Variants in PLD2 observed in about 807,000 individuals in gnomAD.
PLD2 encodes the protein choline phosphatase 2.
PLD2 carries 101 observed loss-of-function variants against 119.8 expected under a neutral mutation model. The ratio of observed to expected loss-of-function variants is 0.84; its 90% CI spans 0.72 to 0.99. The LOEUF (loss-of-function observed/expected upper bound fraction) is 0.99. Among genes scored for constraint, PLD2 ranks in the 50% least tolerant of loss-of-function variants. The pLI, the probability that PLD2 is intolerant of heterozygous loss-of-function variation, is 0.00. For missense variants in PLD2, 1,164 were observed against 1,226.8 expected, an observed-to-expected ratio of 0.95 and a Z score of 0.76; for synonymous variants, 494 against 482.8, an observed-to-expected ratio of 1.02 and a Z score of -0.30.
At chr17:4,821,682 A>G in intron 23 of PLD2, 111 bp from the exon 24 acceptor site, 2 of 730,306 alleles carry the variant, frequency 2.7e-6, no homozygotes, top group Non-Finnish European at 4.8e-6. Flanking sequence ...GGCGTGAGCC[A>G]CCGCACCCAG....
At chr17:4,814,133 CAT>C (rs1473664914) in intron 10 of PLD2, 6 of 313,758 alleles carry the variant, frequency 1.9e-5, no homozygotes, top group Non-Finnish European at 3.5e-5. Context: ...TCAGTTGGCT[CAT>C]GTGACTTTTT....
At position 4,808,483 on chromosome 17, in the gene PLD2, C is replaced by G; in HGVS notation, c.383+67C>G. 1 of 1,514,298 alleles carries G rather than the reference C, an allele frequency of 6.6e-7. No individual in the cohort carries two copies. The highest frequency in any genetic ancestry group is 9.1e-7 in the Non-Finnish European group (1 of 1,104,182). 93.8% of individuals were successfully genotyped at this position (1,514,298 alleles called of 1,614,324 possible). ...CCCACCCTCCTTTCTGTCTGTCTCACCCCGGGGCCACAACCTTTCCTCCCT... is the reference window on the plus strand; with the variant it reads ...CCCACCCTCCTTTCTGTCTGTCTCAGCCCGGGGCCACAACCTTTCCTCCCT... On this transcript the variant is annotated intron_variant, in intron 4 of 24. Coordinates refer to ENST00000263088, the MANE Select transcript of PLD2 (RefSeq NM_002663.5). The surrounding 1 kb of genome is among the most constrained non-coding windows in gnomAD (Gnocchi z 4.1).
chr17:4,808,348 T>C lies in PLD2; in HGVS notation c.315T>C (p.Arg105=). The C allele has an allele frequency of 1.2e-6, 2 of 1,614,002 alleles. No individual in the cohort carries two copies. Among genetic ancestry groups the C allele is most frequent in the Non-Finnish European group, 1.7e-6 (2 of 1,179,938 alleles). ...CCTGGACAACCAAGAAGAAATACCG[T>C]CATTTTCAGGAGCTGCATCGGGACC... ...DFSWTTKKKY[R]HFQELHRDLL... Residue 105 remains arginine (R), a synonymous_variant, in exon 4 of 25, where the codon CGT becomes CGC. Transcript: ENST00000263088. The surrounding 1 kb of genome is among the most constrained non-coding windows in gnomAD (Gnocchi z 4.1).
chr17:4,821,689 C>A (rs1417222980), intron 23 of PLD2, 104 bp from the exon 24 acceptor site: 1 of 800,822 alleles, frequency 1.2e-6, no homozygotes, highest in African/African-American at 1.7e-5. Flanking sequence ...GCCACCGCAC[C>A]CAGCCAATTT....
In PLD2 at chr17:4,819,525, A is replaced by G. The variant is rs752311082; in HGVS notation, c.2405A>G (p.Asn802Ser). Reference protein sequence around the residue: ...EDTETEPSLMNGAEYQAGRFA... With the variant: ...EDTETEPSLMSGAEYQAGRFA... ...ACAGAGACGGAACCATCCCTCATGA[A>G]TGGGGCAGAGTATCAGGCGGGCAGG... The change falls in exon 23 of 25, where the codon AAT becomes AGT. Residue 802 changes from asparagine to serine, a missense_variant. Transcript: ENST00000263088. This position sits in a 1 kb window ranked among gnomAD's most constrained non-coding sequence, Gnocchi z 4.2. The G allele has an allele frequency of 2.5e-6, 4 of 1,613,988 alleles. No individual in the cohort carries two copies. The East Asian group carries it at 6.7e-5, about 27-fold the overall frequency.
Position 4,808,158 on chromosome 17 carries a change from G to C in PLD2, c.240+44G>C. 1 of 1,595,134 alleles carries C rather than the reference G, an allele frequency of 6.3e-7. No homozygotes were observed. The highest frequency in any genetic ancestry group is 8.6e-7 in the Non-Finnish European group (1 of 1,166,598). ...GGGAGGGGGAAAGGGAGGGCGGCCC[G>C]GAATGGATCCAAGGTGGCTGGGCTG... On this transcript the variant is annotated intron_variant, in intron 3 of 24. Coordinates refer to ENST00000263088, the MANE Select transcript of PLD2 (RefSeq NM_002663.5). The surrounding 1 kb of genome is among the most constrained non-coding windows in gnomAD (Gnocchi z 4.1).
rs767210557 is a variant in PLD2, at chr17:4,817,116, C to T, written c.1702-30C>T. On this transcript the variant is annotated intron_variant, in intron 16 of 24. Transcript: ENST00000263088. The stretch of plus-strand genomic sequence containing the variant: ...AGGGAGCCAGGGCAGATTGGCACCT[C>T]CTGCTGACTCTGCCATCCCTCCACG... The T allele has an allele frequency of 4.4e-6, 7 of 1,597,880 alleles. No homozygotes were observed. The South Asian group carries it at 7.7e-5, about 18-fold the overall frequency.
At chr17:4,817,113 C>T (rs758951874) in intron 16 of PLD2, 33 bp from the exon 17 acceptor site, 22 of 1,599,360 alleles carry the variant, frequency 1.4e-5, no homozygotes, top group Non-Finnish European at 1.8e-5. Context: ...CAGATTGGCA[C>T]CTCCTGCTGA....
rs897782259 is a variant in PLD2, at chr17:4,821,533, A to G, written c.2463-260A>G. 3.3e-5 allele frequency: 10 copies of G among 300,980 alleles called. No individual in the cohort carries two copies. The Admixed American group carries it at 3.8e-4, about 11-fold the overall frequency. The allele number at this position is 300,980 out of a possible 1,614,324, so 18.6% of individuals were successfully genotyped here. A position where few individuals can be genotyped will look rare whatever the true frequency, so the allele number is the denominator to read the frequency against. On this transcript the variant is annotated intron_variant, in intron 23 of 24. Transcript: ENST00000263088. The stretch of plus-strand genomic sequence containing the variant: ...TTCAGCCTCCCAAGTAGCTGGGACT[A>G]TAGGCACATGCCACCGTGCCTGGCT...
intron 12 of PLD2, 40 bp from the exon 13 acceptor site, chr17:4,815,436 G>C (rs774335508): frequency 1.6e-6 from 2 of 1,234,774 alleles, no homozygotes; most frequent in Non-Finnish European, 2.4e-6. Context: ...GGGCTACTCT[G>C]GGAGAGGCAC....
At chr17:4,821,753 G>T in intron 23 of PLD2, 40 bp from the exon 24 acceptor site, 1 of 1,411,922 alleles carries the variant, frequency 7.1e-7, no homozygotes, top group African/African-American at 1.4e-5. Flanking sequence ...GTTCTCTAAG[G>T]ATCTTAATCT....
At position 4,807,737 on chromosome 17, in the gene PLD2, C is replaced by A; in HGVS notation, c.-1-35C>A. On this transcript the variant is annotated intron_variant, in intron 1 of 24. Transcript: ENST00000263088. This position sits in a 1 kb window ranked among gnomAD's most constrained non-coding sequence, Gnocchi z 5.4. ...AGGATGGGGGGCGGGTTCTGCAGGA[C>A]AGCTCGCCTCCCTGAGGCTTCCCAA... The A allele has an allele frequency of 1.6e-6, 2 of 1,219,176 alleles. No individual in the cohort carries two copies. The highest frequency in any genetic ancestry group is 1.5e-5 in the African/African-American group (1 of 67,180). The allele number at this position is 1,219,176 out of a possible 1,614,324, so 75.5% of individuals were successfully genotyped here.
chr17:4,814,001 A>G, intron 10 of PLD2: 1 of 212,748 alleles, frequency 4.7e-6, no homozygotes, highest in South Asian at 6.7e-5. Context: ...TTACCAATCT[A>G]ATGGATTTTT....
chr17:4,818,959 T>C, intron 21 of PLD2, 125 bp from the exon 22 acceptor site: 2 of 1,506,788 alleles, frequency 1.3e-6, no homozygotes, highest in Non-Finnish European at 1.8e-6. Flanking sequence ...AGCTGGCCTT[T>C]CACTGCAGGG....
chr17:4,809,863 C>T lies in PLD2; in HGVS notation c.708-14C>T, dbSNP rs374534452. On this transcript the variant is annotated splice_polypyrimidine_tract_variant and intron_variant, in intron 8 of 24. Transcript: ENST00000263088. ...TGAGGGCAGAGAGGAACACACGGAG[C>T]CCTTCTGCTCTAGGTGGCTGGTGGT... The T allele has an allele frequency of 3.1e-6, 5 of 1,614,118 alleles. No individual in the cohort carries two copies. The highest frequency in any genetic ancestry group is 4.2e-6 in the Non-Finnish European group (5 of 1,179,984).
Position 4,823,234 on chromosome 17 carries a change from C to T in PLD2, c.*370C>T. 1 of 178,132 alleles carries T rather than the reference C, an allele frequency of 5.6e-6. No homozygotes were observed. Among genetic ancestry groups the T allele is most frequent in the Non-Finnish European group, 1.2e-5 (1 of 85,072 alleles). 11.0% of individuals were successfully genotyped at this position (178,132 alleles called of 1,614,324 possible). A position where few individuals can be genotyped will look rare whatever the true frequency, so the allele number is the denominator to read the frequency against. On this transcript the variant is annotated 3_prime_UTR_variant, in exon 25 of 25. Coordinates refer to ENST00000263088, the MANE Select transcript of PLD2 (RefSeq NM_002663.5). ...ACCCATTGTTCCCTTCCTCTTCCTG[C>T]CCTTGAACCCCCTCCCTGTCCCAGG...
rs1597342921 is a variant in PLD2, at chr17:4,823,154, G to A, written c.*290G>A. On this transcript the variant is annotated 3_prime_UTR_variant, in exon 25 of 25. Coordinates refer to ENST00000263088, the MANE Select transcript of PLD2 (RefSeq NM_002663.5). ...GGAGAAGCACAGCTCCTGCCAGGGT[G>A]AGCAGGGTCAAGCCTCTTATTCCAG... is the stretch of plus-strand genomic sequence containing the variant. 1.7e-5 allele frequency: 6 copies of A among 344,712 alleles called. 1 individual carries two copies. The highest frequency in any genetic ancestry group is 3.2e-5 in the Non-Finnish European group (6 of 189,810). 21.4% of individuals were successfully genotyped at this position (344,712 alleles called of 1,614,324 possible).
intron 6 of PLD2, 50 bp downstream of exon 6, chr17:4,809,413 C>T (rs765616222): frequency 5.6e-6 from 9 of 1,611,778 alleles, no homozygotes; most frequent in African/African-American, 4.0e-5. Context: ...ATCAGACCCT[C>T]GGGGAGGAGG....
At chr17:4,814,817 G>T in intron 12 of PLD2, 106 bp downstream of exon 12, 1 of 985,168 alleles carries the variant, frequency 1.0e-6, no homozygotes, top group Non-Finnish European at 1.6e-6. Context: ...CTTCAGGGGA[G>T]GGAAAAGTGT....
Sources: allele counts gnomAD v4.1 joint callset, GRCh38; gene constraint gnomAD v4.1.1; non-coding constraint Gnocchi (gnomAD v3.1); transcripts MANE v1.5; gene names NCBI Gene and HGNC (gene_info 2026-07-23, HGNC 2026-07-21).